The following IGF1R variants were observed in gnomAD, a reference collection of about 807,000 sequenced individuals.
The protein encoded by IGF1R is insulin-like growth factor 1 receptor.
In IGF1R, 44 loss-of-function variants were observed where a neutral mutation model predicts 144.6. The observed-to-expected ratio is 0.30, with a 90% confidence interval of 0.24 to 0.39. The LOEUF is 0.39. Ranked by LOEUF, IGF1R falls within the 10% of genes least tolerant of loss-of-function variation. The pLI is 1.00. For missense variants in IGF1R, 1,355 were observed against 1,833.7 expected (o/e 0.74, Z 4.77); for synonymous variants, 795 against 722.8 (o/e 1.10, Z -1.60).
intron 2 of IGF1R, among the ~76,000 whole-genome samples, chr15:98,852,985 C>G (rs570533171): frequency 2.0e-4 from 31 of 152,356 alleles, no homozygotes; most frequent in Admixed American, 1.2e-3. Context: ...CCATTTTCTA[C>G]AAATGCCGCC....
chr15:98,899,871 G>A (rs529446064), intron 5 of IGF1R, among the ~76,000 whole-genome samples: 5 of 152,150 alleles, frequency 3.3e-5, no homozygotes, highest in South Asian at 2.1e-4. Flanking sequence ...CAAGGGTTGC[G>A]TGTCTGACTG....
Position 98,916,103 on chromosome 15 carries a change from C to T in IGF1R, c.1968C>T (p.Tyr656=), listed in dbSNP as rs1483502303. ...GGCAGCGGCAGCCTCAGGACGGCTA[C>T]CTTTACCGGCACAATTACTGCTCCA... ...VRWQRQPQDG[Y]LYRHNYCSKD... Residue 656 remains tyrosine, a synonymous_variant, in exon 9 of 21, where the codon TAC becomes TAT. Transcript: ENST00000650285. The T allele has an allele frequency of 1.2e-6, 2 of 1,614,064 alleles. No individual in the cohort carries two copies. The highest frequency in any genetic ancestry group is 2.7e-5 in the African/African-American group (2 of 74,906).
intron 1 of IGF1R, among the ~76,000 whole-genome samples, chr15:98,695,081 G>A (rs1421599400): frequency 6.6e-6 from 1 of 152,046 alleles, no homozygotes; most frequent in African/African-American, 2.4e-5. Context: ...TTTTTTTCCT[G>A]CCTCTATGGG....
chr15:98,651,775 T>C (rs1489911994), intron 1 of IGF1R, among the ~76,000 whole-genome samples: 1 of 152,142 alleles, frequency 6.6e-6, no homozygotes, highest in Admixed American at 6.5e-5. Context: ...CCCTTTACAG[T>C]GGTTAGTTCC....
chr15:98,835,321 T>TGCA (rs1459340342), intron 2 of IGF1R, among the ~76,000 whole-genome samples: 1 of 151,998 alleles, frequency 6.6e-6, no homozygotes, highest in African/African-American at 2.4e-5. Context: ...ATGGAAAGAG[T>TGCA]GCAGATAGGA....
chr15:98,738,623 C>T (rs778246292), intron 2 of IGF1R, among the ~76,000 whole-genome samples: 1 of 152,186 alleles, frequency 6.6e-6, no homozygotes, highest in Non-Finnish European at 1.5e-5. Flanking sequence ...AGATTCCCCC[C>T]CATTTAGGAT....
chr15:98,929,625 G>A lies in IGF1R; in HGVS notation c.2850G>A (p.Gly950=), dbSNP rs201627513. 1 of 1,614,146 alleles carries A rather than the reference G, an allele frequency of 6.2e-7. No individual in the cohort carries two copies. The highest frequency in any genetic ancestry group is 2.2e-5 in the East Asian group (1 of 44,892). The change falls in exon 14 of 21, where the codon GGG becomes GGA. Residue 950 remains glycine, a synonymous_variant. Transcript: ENST00000650285. ...TCGCTGTCCTGTTGATCGTGGGAGG[G>A]TTGGTGATTATGCTGTACGTCTTCC... ...LPVAVLLIVG[G]LVIMLYVFHR...
chr15:98,662,193 C>T (rs564558533), intron 1 of IGF1R, among the ~76,000 whole-genome samples: 1 of 151,760 alleles, frequency 6.6e-6, no homozygotes, highest in African/African-American at 2.4e-5. Context: ...GTTGGTCAGG[C>T]TGGTCTCAAA....
At chr15:98,783,488 G>C (rs1393141454) in intron 2 of IGF1R, among the ~76,000 whole-genome samples, 1 of 152,122 alleles carries the variant, frequency 6.6e-6, no homozygotes, top group Non-Finnish European at 1.5e-5. Flanking sequence ...TCAATAGTTT[G>C]TTTCTTTTTA....
At chr15:98,716,528 A>G (rs929936679) in intron 2 of IGF1R, among the ~76,000 whole-genome samples, 2 of 152,230 alleles carry the variant, frequency 1.3e-5, no homozygotes, top group African/African-American at 4.8e-5. Context: ...TGTACCTGCC[A>G]CTGGCTAACA....
intron 9 of IGF1R, 78 bp from the exon 10 acceptor site, chr15:98,916,594 A>G: frequency 1.6e-6 from 2 of 1,218,970 alleles, no homozygotes; most frequent in Non-Finnish European, 2.4e-6. Flanking sequence ...AAAGGTACTG[A>G]GAGCTATTAT....
At chr15:98,902,086 T>C (rs1254310259) in intron 5 of IGF1R, among the ~76,000 whole-genome samples, 4 of 152,120 alleles carry the variant, frequency 2.6e-5, no homozygotes. Flanking sequence ...TCCCAGTGTT[T>C]CTCAAACTTT....
intron 2 of IGF1R, among the ~76,000 whole-genome samples, chr15:98,738,132 T>C (rs181485651): frequency 7.2e-4 from 110 of 152,336 alleles, no homozygotes; most frequent in African/African-American, 1.9e-3. Context: ...TCTAAACTTA[T>C]TCAGAGAGTC....
chr15:98,933,847 CA>C (rs1248890112), intron 15 of IGF1R, among the ~76,000 whole-genome samples: 1 of 152,150 alleles, frequency 6.6e-6, no homozygotes. Context: ...CCCTCAGTCT[CA>C]GAGCTCAGTT....
rs201987307 is a variant in IGF1R, at chr15:98,753,580, T to TG, written c.640+45476dup. Among the ~76,000 whole-genome samples, 977 of 150,994 alleles carry TG rather than the reference T, an allele frequency of 6.5e-3. 11 individuals carry two copies. Among genetic ancestry groups the TG allele is most frequent in the African/African-American group, 0.023 (927 of 40,606 alleles). ...TAAATTCCTGCTCTTCAAGGAGATG[T>TG]GGGTTTTTTTTCCTCCTGAGAGTAT... On this transcript the variant is annotated intron_variant, in intron 2 of 20. Transcript: ENST00000650285.
At chr15:98,869,609 G>A (rs544267341) in intron 2 of IGF1R, among the ~76,000 whole-genome samples, 1 of 151,946 alleles carries the variant, frequency 6.6e-6, no homozygotes, top group South Asian at 2.1e-4. Context: ...CTAATTTTGT[G>A]TTTTTAGTAG....
chr15:98,916,943 C>T, intron 10 of IGF1R, 67 bp downstream of exon 10: 4 of 1,362,966 alleles, frequency 2.9e-6, no homozygotes, highest in Middle Eastern at 1.8e-4. Flanking sequence ...TTGCCTTTCT[C>T]CCCACCAGGT....
chr15:98,935,305 A>T lies in IGF1R; in HGVS notation c.3187-11A>T. ...GACCCTCTGAGTCTTTCTCTTTTTG[A>T]TTCCTCCCAGGTGCGATTGCTGGGT... On this transcript the variant is annotated splice_polypyrimidine_tract_variant and intron_variant, in intron 16 of 20. Transcript: ENST00000650285. The surrounding 1 kb of genome is among the most constrained non-coding windows in gnomAD (Gnocchi z 4.2). 3.3e-6 allele frequency: 5 copies of T among 1,530,358 alleles called. No homozygotes were observed. Among genetic ancestry groups the T allele is most frequent in the Non-Finnish European group, 4.4e-6 (5 of 1,128,802 alleles). The allele number at this position is 1,530,358 out of a possible 1,614,324, so 94.8% of individuals were successfully genotyped here.
rs2017223967 is a variant in IGF1R at position 98,961,477 on chromosome 15, A to G, written c.*4035A>G. ...CCAACCCACCCACCTTGACTATACC[A>G]AGGCATCATCTATCCACAGTTCTAG... is the stretch of plus-strand genomic sequence containing the variant. On this transcript the variant is annotated 3_prime_UTR_variant, in exon 21 of 21. Transcript: ENST00000650285. The G allele has an allele frequency of 4.3e-6, 1 of 233,326 alleles. No individual in the cohort carries two copies. Among genetic ancestry groups the G allele is most frequent in the Non-Finnish European group, 8.5e-6 (1 of 118,038 alleles). The allele number at this position is 233,326 out of a possible 1,614,324, so 14.5% of individuals were successfully genotyped here. A position where few individuals can be genotyped will look rare whatever the true frequency, so the allele number is the denominator to read the frequency against.
Sources: allele counts gnomAD v4.1 joint callset (sites outside exome capture counted in the v4.1 genomes callset), GRCh38; gene constraint gnomAD v4.1.1; non-coding constraint Gnocchi (gnomAD v3.1); transcripts MANE v1.5; gene names NCBI Gene and HGNC (gene_info 2026-07-23, HGNC 2026-07-21).